The following ZYG11B variants were observed in gnomAD, a reference collection of about 807,000 sequenced individuals.
The protein encoded by ZYG11B is zyg-11 family member B, cell cycle regulator.
In ZYG11B, 36 loss-of-function variants were observed where a neutral mutation model predicts 82.4. That is an observed-to-expected ratio of 0.44 (90% CI 0.33 to 0.58). The LOEUF (loss-of-function observed/expected upper bound fraction) is 0.58, where lower values mean the gene tolerates loss of function less well. Ranked by LOEUF, ZYG11B falls within the 20% of genes least tolerant of loss-of-function variation. The pLI is 0.02. For missense variants in ZYG11B, 552 were observed against 895.6 expected, an observed-to-expected ratio of 0.62 and a Z score of 4.90; for synonymous variants, 303 against 312.8, an observed-to-expected ratio of 0.97 and a Z score of 0.33.
At position 52,769,191 on chromosome 1, in the gene ZYG11B, CTGTT is replaced by C. The variant is rs367670684; in HGVS notation, c.197-1826_197-1823del. Among the ~76,000 whole-genome samples, 388 of 152,098 alleles carry C rather than the reference CTGTT, an allele frequency of 2.6e-3. 2 individuals carry two copies. The highest frequency in any genetic ancestry group is 9.0e-3 in the African/African-American group (372 of 41,486). On this transcript the variant is annotated intron_variant, in intron 2 of 13. Transcript: ENST00000294353. ...TGACATATAGTAATTGTTTAATAAA[CTGTT>C]TGCTGAATGGACCCCATCATGAAAT...
intron 13 of ZYG11B, among the ~76,000 whole-genome samples, chr1:52,817,839 T>G (rs1377695032): frequency 0.011 from 389 of 35,996 alleles, 8 homozygotes; most frequent in Non-Finnish European, 0.018. Flanking sequence ...TTTTTTTTTT[T>G]TTTTTTTTTT....
At chr1:52,817,808 TA>T (rs1645246229) in intron 13 of ZYG11B, among the ~76,000 whole-genome samples, 2 of 45,604 alleles carry the variant, frequency 4.4e-5, no homozygotes, top group African/African-American at 1.7e-4. Flanking sequence ...TATATATATA[TA>T]TATATATTTT....
intron 10 of ZYG11B, among the ~76,000 whole-genome samples, chr1:52,811,038 A>AT (rs1645178194): frequency 1.0e-5 from 1 of 96,296 alleles, no homozygotes; most frequent in Admixed American, 1.1e-4. Flanking sequence ...CGTCTCAAAA[A>AT]AAAAAAAAAA....
chr1:52,796,965 A>G (rs1203425643), intron 8 of ZYG11B, among the ~76,000 whole-genome samples, 181 bp downstream of exon 8: 1 of 82,050 alleles, frequency 1.2e-5, no homozygotes. Context: ...TATATTATAT[A>G]TAATATATAT....
At chr1:52,818,195 G>A (rs887729517) in intron 13 of ZYG11B, among the ~76,000 whole-genome samples, 2 of 151,898 alleles carry the variant, frequency 1.3e-5, no homozygotes, top group Non-Finnish European at 2.9e-5. Flanking sequence ...TATAGGGGCC[G>A]GGCATAATGG....
At chr1:52,816,775 G>GT in intron 13 of ZYG11B, 146 bp downstream of exon 13, 2 of 484,004 alleles carry the variant, frequency 4.1e-6, no homozygotes, top group South Asian at 2.6e-5. Flanking sequence ...TAAACTTAAG[G>GT]TATTCTTTTT....
In ZYG11B at chr1:52,726,624, G is replaced by C. The variant is rs574368227; in HGVS notation, c.-30G>C. ...CAGCCTGGGGGCGGGCTCCGGTCCGGCCCGCCGCCGCACCCAGGACGGAGG... is the reference window on the plus strand; with the variant it reads ...CAGCCTGGGGGCGGGCTCCGGTCCGCCCCGCCGCCGCACCCAGGACGGAGG... On this transcript the variant is annotated 5_prime_UTR_variant, in exon 1 of 14. Coordinates refer to ENST00000294353, the MANE Select transcript of ZYG11B (RefSeq NM_024646.3). 14 of 1,430,124 alleles carry C rather than the reference G, an allele frequency of 9.8e-6. No individual in the cohort carries two copies. Among genetic ancestry groups the C allele is most frequent in the Non-Finnish European group, 1.3e-5 (14 of 1,097,286 alleles). The allele number at this position is 1,430,124 out of a possible 1,614,324, so 88.6% of individuals were successfully genotyped here.
chr1:52,736,372 C>T (rs1020087492), intron 1 of ZYG11B, among the ~76,000 whole-genome samples: 5 of 152,238 alleles, frequency 3.3e-5, no homozygotes, highest in Admixed American at 2.0e-4. Flanking sequence ...CTCTGCCTCC[C>T]GGGATCAAGT....
intron 6 of ZYG11B, among the ~76,000 whole-genome samples, chr1:52,791,567 C>T (rs1644960139): frequency 6.6e-6 from 1 of 151,964 alleles, no homozygotes; most frequent in South Asian, 2.1e-4. Flanking sequence ...TGGGGTTTCA[C>T]CATGTTGGCC....
At chr1:52,799,471 A>G (rs1645056748) in intron 8 of ZYG11B, among the ~76,000 whole-genome samples, 1 of 150,446 alleles carries the variant, frequency 6.6e-6, no homozygotes, top group South Asian at 2.1e-4. Flanking sequence ...TGGTCGACAG[A>G]GCAAGGCTCT....
chr1:52,750,700 A>G (rs1644514518), intron 1 of ZYG11B, among the ~76,000 whole-genome samples: 1 of 152,142 alleles, frequency 6.6e-6, no homozygotes, highest in South Asian at 2.1e-4. Flanking sequence ...GCCACAATCA[A>G]TTTTAGAACA....
At chr1:52,801,199 A>T (rs982985902) in intron 8 of ZYG11B, among the ~76,000 whole-genome samples, 4 of 152,148 alleles carry the variant, frequency 2.6e-5, no homozygotes, top group African/African-American at 9.7e-5. Flanking sequence ...GTACTGCAGC[A>T]TCTGCTCTCA....
intron 1 of ZYG11B, among the ~76,000 whole-genome samples, chr1:52,745,122 C>G (rs1176719579): frequency 6.6e-6 from 1 of 152,126 alleles, no homozygotes; most frequent in Non-Finnish European, 1.5e-5. Flanking sequence ...ATGGCTCTGG[C>G]AATACAGTAA....
At chr1:52,802,276 A>AG in intron 10 of ZYG11B, 137 bp downstream of exon 10, 2 of 639,782 alleles carry the variant, frequency 3.1e-6, no homozygotes, top group Non-Finnish European at 2.6e-6. Context: ...ATTGAGAACT[A>AG]TTCCCAATAC....
intron 8 of ZYG11B, among the ~76,000 whole-genome samples, chr1:52,801,596 A>G (rs951682231): frequency 6.6e-5 from 10 of 152,140 alleles, no homozygotes; most frequent in African/African-American, 2.4e-4. Context: ...TTTATGGGTG[A>G]TTACATTATA....
intron 1 of ZYG11B, among the ~76,000 whole-genome samples, chr1:52,744,679 A>G (rs998769332): frequency 7.2e-5 from 11 of 152,166 alleles, no homozygotes; most frequent in Non-Finnish European, 1.6e-4. Context: ...CGTCTCTACT[A>G]AAAATACAAA....
At chr1:52,787,952 G>A (rs1644927676) in intron 5 of ZYG11B, among the ~76,000 whole-genome samples, 1 of 152,138 alleles carries the variant, frequency 6.6e-6, no homozygotes, top group South Asian at 2.1e-4. Context: ...AAGGTACCAG[G>A]CAGGATTTCA....
At position 52,726,703 on chromosome 1, in the gene ZYG11B, C is replaced by G; in HGVS notation, c.30+20C>G. 1 of 1,470,950 alleles carries G rather than the reference C, an allele frequency of 6.8e-7. No homozygotes were observed. The highest frequency in any genetic ancestry group is 9.0e-7 in the Non-Finnish European group (1 of 1,116,536). 91.1% of individuals were successfully genotyped at this position (1,470,950 alleles called of 1,614,324 possible). A position where few individuals can be genotyped will look rare whatever the true frequency, so the allele number is the denominator to read the frequency against. On this transcript the variant is annotated intron_variant, in intron 1 of 13. Transcript: ENST00000294353. The stretch of plus-strand genomic sequence containing the variant: ...GCCATGGTGAGGGAGCAAGGCCTGC[C>G]CTAGCCGCAGCCGCCCGCCACCCTA...
chr1:52,767,802 C>T (rs1644711113), intron 2 of ZYG11B, among the ~76,000 whole-genome samples: 1 of 152,188 alleles, frequency 6.6e-6, no homozygotes, highest in Non-Finnish European at 1.5e-5. Context: ...GGCCTCATTA[C>T]TGTTGGGCAG....
Sources: allele counts gnomAD v4.1 joint callset (sites outside exome capture counted in the v4.1 genomes callset), GRCh38; gene constraint gnomAD v4.1.1; transcripts MANE v1.5; gene names NCBI Gene and HGNC (gene_info 2026-07-23, HGNC 2026-07-21).